VMP1: variants seen among roughly 807,000 people sequenced by gnomAD.
The protein encoded by VMP1 is ectopic P-granules autophagy protein 3 homolog.
Under a neutral mutation model 56.0 loss-of-function variants are expected in VMP1, and 11 were observed. The ratio of observed to expected loss-of-function variants is 0.20; its 90% CI spans 0.12 to 0.32. The LOEUF (loss-of-function observed/expected upper bound fraction) is 0.32, where lower values mean the gene tolerates loss of function less well. VMP1 is among the 10% of genes least tolerant of loss of function. The pLI is 1.00. For synonymous variants in VMP1, 149 were observed against 165.0 expected (o/e 0.90, Z 0.74); for missense variants, 296 against 490.3 (o/e 0.60, Z 3.74).
chr17:59,731,859 A>T (rs1329485202), intron 2 of VMP1, among the ~76,000 whole-genome samples: 1 of 152,192 alleles, frequency 6.6e-6, no homozygotes, highest in Non-Finnish European at 1.5e-5. Flanking sequence ...ACTGTTCTTA[A>T]ATATACAGTT....
intron 8 of VMP1, among the ~76,000 whole-genome samples, chr17:59,809,812 A>C (rs930237621): frequency 2.6e-5 from 4 of 151,938 alleles, no homozygotes; most frequent in Non-Finnish European, 5.9e-5. Context: ...AGCCCAATTC[A>C]ACTTATTAAA....
chr17:59,748,972 T>A (rs1002364104), intron 5 of VMP1, among the ~76,000 whole-genome samples: 2 of 150,432 alleles, frequency 1.3e-5, no homozygotes, highest in Non-Finnish European at 3.0e-5. Flanking sequence ...ATCCCAGCAC[T>A]GGAGTGCAGT....
At chr17:59,836,546 C>T (rs564316688) in intron 10 of VMP1, among the ~76,000 whole-genome samples, 1 of 152,174 alleles carries the variant, frequency 6.6e-6, no homozygotes, top group East Asian at 1.9e-4. Flanking sequence ...CTCTTTTCTC[C>T]CTCCAATTCC....
intron 7 of VMP1, among the ~76,000 whole-genome samples, chr17:59,780,667 A>T (rs982182987): frequency 1.3e-5 from 2 of 151,870 alleles, no homozygotes; most frequent in African/African-American, 4.8e-5. Flanking sequence ...GCTGACTGCA[A>T]CCTCTGCCTC....
intron 9 of VMP1, among the ~76,000 whole-genome samples, chr17:59,816,220 C>G (rs2038226638): frequency 6.6e-6 from 1 of 152,136 alleles, no homozygotes; most frequent in Non-Finnish European, 1.5e-5. Context: ...TAGGCATTGG[C>G]TTATTTTGAT....
intron 5 of VMP1, among the ~76,000 whole-genome samples, chr17:59,746,475 T>C (rs2035428758): frequency 6.6e-6 from 1 of 152,224 alleles, no homozygotes; most frequent in African/African-American, 2.4e-5. Flanking sequence ...CCCGGCAATA[T>C]TTTTAGATAT....
chr17:59,836,530 T>G (rs1009654398), intron 10 of VMP1, among the ~76,000 whole-genome samples: 5 of 152,152 alleles, frequency 3.3e-5, no homozygotes, highest in African/African-American at 7.2e-5. Flanking sequence ...CACCCCTCAC[T>G]GATCTCTCTT....
At chr17:59,801,900 A>G (rs2037680312) in intron 7 of VMP1, among the ~76,000 whole-genome samples, 1 of 151,860 alleles carries the variant, frequency 6.6e-6, no homozygotes, top group Non-Finnish European at 1.5e-5. Context: ...AAAACAAAAC[A>G]AAACAAAAAA....
intron 7 of VMP1, among the ~76,000 whole-genome samples, chr17:59,785,978 T>C (rs2036994290): frequency 6.6e-6 from 1 of 152,192 alleles, no homozygotes; most frequent in Non-Finnish European, 1.5e-5. Context: ...TAGTATCTTT[T>C]ACCTTACTAA....
chr17:59,774,151 A>T (rs1280698908), intron 7 of VMP1, among the ~76,000 whole-genome samples: 1 of 152,184 alleles, frequency 6.6e-6, no homozygotes, highest in Non-Finnish European at 1.5e-5. Context: ...GTTGCCAATG[A>T]TGTTAAGGAG....
chr17:59,755,316 G>T (rs1399108002), intron 5 of VMP1, among the ~76,000 whole-genome samples: 1 of 151,834 alleles, frequency 6.6e-6, no homozygotes, highest in Non-Finnish European at 1.5e-5. Flanking sequence ...CACAATGTTG[G>T]CCAGGCTGGT....
chr17:59,837,542 G>T (rs2039020942), intron 10 of VMP1: 1 of 152,172 alleles, frequency 6.6e-6, no homozygotes. Flanking sequence ...ATTTATCAAA[G>T]ATCACTATCC....
At chr17:59,732,730 T>G (rs1304646421) in intron 2 of VMP1, among the ~76,000 whole-genome samples, 2 of 152,212 alleles carry the variant, frequency 1.3e-5, no homozygotes, top group African/African-American at 4.8e-5. Flanking sequence ...TTTTCTTTCC[T>G]TTTAGAGAGC....
At chr17:59,716,978 A>AT (rs566796202) in intron 1 of VMP1, among the ~76,000 whole-genome samples, 44 of 150,936 alleles carry the variant, frequency 2.9e-4, no homozygotes, top group African/African-American at 7.1e-4. Flanking sequence ...TCCAATTTTT[A>AT]TTTTTTTTTA....
intron 7 of VMP1, among the ~76,000 whole-genome samples, chr17:59,775,870 G>A (rs182697941): frequency 2.6e-5 from 4 of 152,282 alleles, no homozygotes; most frequent in African/African-American, 9.6e-5. Context: ...TCAACAGAGT[G>A]TTTTGTTTTC....
chr17:59,762,535 C>T (rs962687715), intron 5 of VMP1, among the ~76,000 whole-genome samples: 12 of 151,870 alleles, frequency 7.9e-5, no homozygotes, highest in African/African-American at 2.7e-4. Context: ...ATTTAAAAAC[C>T]ATTAAGCTAA....
intron 9 of VMP1, among the ~76,000 whole-genome samples, chr17:59,812,323 G>C (rs1210951861): frequency 6.6e-6 from 1 of 152,102 alleles, no homozygotes; most frequent in East Asian, 1.9e-4. Context: ...GGAAGAAGAG[G>C]GTCTCTGAAG....
chr17:59,746,755 GAAAT>G (rs1391982107), intron 5 of VMP1, among the ~76,000 whole-genome samples: 2 of 152,148 alleles, frequency 1.3e-5, no homozygotes, highest in Admixed American at 6.5e-5. Flanking sequence ...AGATGAAGGG[GAAAT>G]AAATAAATTT....
intron 7 of VMP1, among the ~76,000 whole-genome samples, chr17:59,800,030 G>T (rs2037583793): frequency 6.6e-6 from 1 of 150,852 alleles, no homozygotes; most frequent in Admixed American, 6.6e-5. Flanking sequence ...TAGTGATATT[G>T]TTGAGGAAGT....
Sources: gnomAD v4.1 joint callset for allele counts (sites outside exome capture counted in the v4.1 genomes callset) on GRCh38, gnomAD v4.1.1 for gene constraint, MANE v1.5 for transcripts, NCBI Gene and HGNC (gene_info 2026-07-23, HGNC 2026-07-21) for gene names.